Variants in PKDREJ observed in about 807,000 individuals in gnomAD.
PKDREJ encodes the protein PKD and REJ homolog.
For missense variants in PKDREJ, 2,507 were observed against 2,807.2 expected (o/e 0.89, Z 2.42); for synonymous variants, 1,031 against 1,095.5 (o/e 0.94, Z 1.16).
In PKDREJ at chr22:46,263,073, T is replaced by C; in HGVS notation, c.250A>G (p.Thr84Ala). ...RGSLCFPHGG[T>A]GRRWYCLDLR... ...TCGAGGCAGTACCAGCGCCGCCCGG[T>C]CCCGCCATGGGGGAAGCAGAGGCTG... The change falls in exon 1 of 1, where the codon ACC becomes GCC. Residue 84 changes from threonine (T) to alanine (A), a missense_variant. Physicochemically the swap from Thr to Ala is moderately conservative, Grantham distance 58. Coordinates refer to ENST00000253255, the MANE Select transcript of PKDREJ (RefSeq NM_006071.2). The surrounding 1 kb of genome is among the most constrained non-coding windows in gnomAD (Gnocchi z 9.4). The C allele has an allele frequency of 7.5e-7, 1 of 1,333,332 alleles. No homozygotes were observed. 82.6% of individuals were successfully genotyped at this position (1,333,332 alleles called of 1,614,324 possible). A position where few individuals can be genotyped will look rare whatever the true frequency, so the allele number is the denominator to read the frequency against.
Position 46,256,053 on chromosome 22 carries a change from C to T in PKDREJ, c.*508G>A, listed in dbSNP as rs1450109201. 6.5e-6 allele frequency: 1 copy of T among 153,532 alleles called. No homozygotes were observed. The highest frequency in any genetic ancestry group is 1.4e-5 in the Non-Finnish European group (1 of 69,076). 9.5% of individuals were successfully genotyped at this position (153,532 alleles called of 1,614,324 possible). On this transcript the variant is annotated 3_prime_UTR_variant, in exon 1 of 1. Transcript: ENST00000253255. This position sits in a 1 kb window ranked among gnomAD's most constrained non-coding sequence, Gnocchi z 5.3. ...GGAACTCCCCACGAGGCCCTAAGCC[C>T]AGGGGGAACAAGAGGAGGGGAGCCC...
chr22:46,260,019 C>A lies in PKDREJ; in HGVS notation c.3304G>T (p.Val1102Phe), dbSNP rs537416568. The change falls in exon 1 of 1, where the codon GTC becomes TTC. Residue 1102 changes from valine to phenylalanine, a missense_variant. Coordinates refer to ENST00000253255, the MANE Select transcript of PKDREJ (RefSeq NM_006071.2). This position sits in a 1 kb window ranked among gnomAD's most constrained non-coding sequence, Gnocchi z 4.5. ...ATCCCATACATGTCCAAGCACTGGA[C>A]GCTGAAAATAGAAATTCTCACTAGC... Reference protein sequence around the residue: ...DKLVRISIFSVQCLDMYGIQS... With the variant: ...DKLVRISIFSFQCLDMYGIQS... 1.7e-5 allele frequency: 27 copies of A among 1,614,122 alleles called. No homozygotes were observed. The highest frequency in any genetic ancestry group is 3.3e-5 in the Admixed American group (2 of 60,030).
chr22:46,258,689 T>C lies in PKDREJ; in HGVS notation c.4634A>G (p.Glu1545Gly), dbSNP rs1208627445. 5.6e-6 allele frequency: 9 copies of C among 1,614,190 alleles called. No individual in the cohort carries two copies. Among genetic ancestry groups the C allele is most frequent in the Non-Finnish European group, 7.6e-6 (9 of 1,180,030 alleles). ...GPNTNSNNNI[E>G]DDQDVHSEQH... ...TTCGGAATGGACATCCTGATCATCT[T>C]CTATGTTGTTATTGGAATTTGTATT... Residue 1545 changes from glutamate (E) to glycine (G), a missense_variant, in exon 1 of 1, where the codon GAA becomes GGA. By Grantham distance (98) the Glu-to-Gly change is moderately conservative. Coordinates refer to ENST00000253255, the MANE Select transcript of PKDREJ (RefSeq NM_006071.2). The surrounding 1 kb of genome is among the most constrained non-coding windows in gnomAD (Gnocchi z 6.1).
Position 46,262,468 on chromosome 22 carries a change from C to A in PKDREJ, c.855G>T (p.Arg285Ser). Residue 285 changes from arginine (R) to serine (S), a missense_variant, in exon 1 of 1, where the codon AGG (arginine) becomes AGT (serine). By Grantham distance (110) the Arg-to-Ser change is moderately radical. Coordinates refer to ENST00000253255, the MANE Select transcript of PKDREJ (RefSeq NM_006071.2). This position sits in a 1 kb window ranked among gnomAD's most constrained non-coding sequence, Gnocchi z 8.1. Reference protein sequence around the residue: ...QPLDLPQLEIRNSPLFIHIPN... With the variant: ...QPLDLPQLEISNSPLFIHIPN... The stretch of plus-strand genomic sequence containing the variant: ...GGATGTGAATGAACAAGGGGCTGTT[C>A]CTGATCTCGAGCTGGGGCAGATCCA... 6.3e-7 allele frequency: 1 copy of A among 1,597,736 alleles called. No homozygotes were observed. Among genetic ancestry groups the A allele is most frequent in the East Asian group, 2.2e-5 (1 of 44,756 alleles).
chr22:46,259,496 C>T lies in PKDREJ; in HGVS notation c.3827G>A (p.Arg1276Gln), dbSNP rs746549562. The stretch of plus-strand genomic sequence containing the variant: ...TAGGAGGAAAGTGTTGATGCTACCT[C>T]GGTAGAGAGTTGTGAAATGTGGATG... ...LSHPHFTTLY[R>Q]GSINTFLLTT... The change falls in exon 1 of 1, where the codon CGA becomes CAA. Residue 1276 changes from arginine to glutamine, a missense_variant. Arg to Gln is a conservative substitution (Grantham distance 43, BLOSUM62 1). Coordinates refer to ENST00000253255, the MANE Select transcript of PKDREJ (RefSeq NM_006071.2). This position sits in a 1 kb window ranked among gnomAD's most constrained non-coding sequence, Gnocchi z 6.8. 3.2e-5 allele frequency: 52 copies of T among 1,614,054 alleles called. No homozygotes were observed. Among genetic ancestry groups the T allele is most frequent in the Admixed American group, 1.2e-4 (7 of 60,004 alleles).
chr22:46,258,468 A>T lies in PKDREJ; in HGVS notation c.4855T>A (p.Cys1619Ser). The change falls in exon 1 of 1, where the codon TGT (cysteine) becomes AGT (serine). Residue 1619 changes from cysteine (C) to serine (S), a missense_variant. Cys to Ser is a moderately radical substitution (Grantham distance 112, BLOSUM62 -1). Coordinates refer to ENST00000253255, the MANE Select transcript of PKDREJ (RefSeq NM_006071.2). The surrounding 1 kb of genome is among the most constrained non-coding windows in gnomAD (Gnocchi z 6.1). ...EWLFASFCSF[C>S]QSVLLVQPSK... ...GGCTGCACCAGAAGAACTGACTGAC[A>T]GAATGAACAAAAAGATGCAAAGAGC... 6.2e-7 allele frequency: 1 copy of T among 1,614,256 alleles called. No homozygotes were observed. The highest frequency in any genetic ancestry group is 8.5e-7 in the Non-Finnish European group (1 of 1,180,054).
chr22:46,257,869 T>TCTGATG lies in PKDREJ; in HGVS notation c.5448_5453dup (p.Ser1816_Ile1817dup), dbSNP rs1238544457. On this transcript the variant is annotated inframe_insertion, in exon 1 of 1. Coordinates refer to ENST00000253255, the MANE Select transcript of PKDREJ (RefSeq NM_006071.2). The surrounding 1 kb of genome is among the most constrained non-coding windows in gnomAD (Gnocchi z 4.7). Reference sequence around the variant, plus strand: ...ATTTGGGGTGACAATGAATTTCTCTTCTGATGCTGTTTTGCACAAACTTTT... The same window carrying TCTGATG: ...ATTTGGGGTGACAATGAATTTCTCTTCTGATGCTGATGCTGTTTTGCACAAACTTTT... 1 of 1,614,214 alleles carries TCTGATG rather than the reference T, an allele frequency of 6.2e-7. No homozygotes were observed.
chr22:46,262,085 C>T lies in PKDREJ; in HGVS notation c.1238G>A (p.Gly413Asp), dbSNP rs1254330254. The T allele has an allele frequency of 3.7e-6, 6 of 1,614,162 alleles. No homozygotes were observed. The Admixed American group carries it at 8.3e-5, about 22-fold the overall frequency. Residue 413 changes from glycine to aspartate, a missense_variant, in exon 1 of 1, where the codon GGC becomes GAC. By Grantham distance (94) the Gly-to-Asp change is moderately conservative. Transcript: ENST00000253255. This position sits in a 1 kb window ranked among gnomAD's most constrained non-coding sequence, Gnocchi z 8.1. Reference sequence around the variant, plus strand: ...TTCTGGCAAAAGTGTCAGTACAGGGCCCGAGGCCCAGGGCCATTTCAGATT... The same window carrying T: ...TTCTGGCAAAAGTGTCAGTACAGGGTCCGAGGCCCAGGGCCATTTCAGATT... ...QANLKWPWAS[G>D]PVLTLLPETL...
Position 46,262,650 on chromosome 22 carries a change from C to T in PKDREJ, c.673G>A (p.Asp225Asn). The change falls in exon 1 of 1, where the codon GAC becomes AAC. Residue 225 changes from aspartate to asparagine, a missense_variant. Physicochemically the swap from Asp to Asn is conservative, Grantham distance 23. Coordinates refer to ENST00000253255, the MANE Select transcript of PKDREJ (RefSeq NM_006071.2). The surrounding 1 kb of genome is among the most constrained non-coding windows in gnomAD (Gnocchi z 8.1). ...CVIQRVRINT[D>N]QKGAPVRLSM... is the part of the protein sequence containing the mutation. ...AGGCGCACGGGGGCGCCCTTCTGGT[C>T]CGTGTTGATCCTCACGCGCTGGATG... The T allele has an allele frequency of 6.2e-7, 1 of 1,613,156 alleles. No homozygotes were observed. The highest frequency in any genetic ancestry group is 1.3e-5 in the African/African-American group (1 of 75,016).
Position 46,262,056 on chromosome 22 carries a change from G to C in PKDREJ, c.1267C>G (p.Leu423Val). ...AAGAAATACACGTGGTCGCCTTTAAGTGTTTCTGGCAAAAGTGTCAGTACA... is the reference window on the plus strand; with the variant it reads ...AAGAAATACACGTGGTCGCCTTTAACTGTTTCTGGCAAAAGTGTCAGTACA... Reference protein sequence around the residue: ...GPVLTLLPETLKGDHVYFFRM... With the variant: ...GPVLTLLPETVKGDHVYFFRM... The change falls in exon 1 of 1, where the codon CTT (leucine) becomes GTT (valine). Residue 423 changes from leucine (L) to valine (V), a missense_variant. Physicochemically the swap from Leu to Val is conservative, Grantham distance 32. Transcript: ENST00000253255. This position sits in a 1 kb window ranked among gnomAD's most constrained non-coding sequence, Gnocchi z 8.1. The C allele has an allele frequency of 6.2e-7, 1 of 1,614,146 alleles. No individual in the cohort carries two copies. Among genetic ancestry groups the C allele is most frequent in the Non-Finnish European group, 8.5e-7 (1 of 1,180,040 alleles).
chr22:46,256,528 A>T lies in PKDREJ; in HGVS notation c.*33T>A, dbSNP rs1329472878. 6.3e-7 allele frequency: 1 copy of T among 1,581,124 alleles called. No homozygotes were observed. The highest frequency in any genetic ancestry group is 1.7e-5 in the Admixed American group (1 of 58,018). On this transcript the variant is annotated 3_prime_UTR_variant, in exon 1 of 1. Coordinates refer to ENST00000253255, the MANE Select transcript of PKDREJ (RefSeq NM_006071.2). This position sits in a 1 kb window ranked among gnomAD's most constrained non-coding sequence, Gnocchi z 5.3. ...TCCCACAGACTCAGCAGTTGGGGGA[A>T]CGCTTGCTTGTGACTCATGAAACCA... is the stretch of plus-strand genomic sequence containing the variant.
Position 46,258,648 on chromosome 22 carries a change from T to C in PKDREJ, c.4675A>G (p.Lys1559Glu). The change falls in exon 1 of 1, where the codon AAG becomes GAG. Residue 1559 changes from lysine to glutamate, a missense_variant. Coordinates refer to ENST00000253255, the MANE Select transcript of PKDREJ (RefSeq NM_006071.2). This position sits in a 1 kb window ranked among gnomAD's most constrained non-coding sequence, Gnocchi z 6.1. ...DVHSEQHPSQ[K>E]DLQQLKKKPR... is the part of the protein sequence containing the mutation. Reference sequence around the variant, plus strand: ...TTTTTCTTAAGCTGCTGGAGATCCTTTTGGGAAGGGTGCTGTTCGGAATGG... The same window carrying C: ...TTTTTCTTAAGCTGCTGGAGATCCTCTTGGGAAGGGTGCTGTTCGGAATGG... 6.2e-7 allele frequency: 1 copy of C among 1,614,138 alleles called. No individual in the cohort carries two copies. The highest frequency in any genetic ancestry group is 1.1e-5 in the South Asian group (1 of 91,078).
Position 46,260,326 on chromosome 22 carries a change from G to A in PKDREJ, c.2997C>T (p.Val999=). ...GCACCATCACTTCTGTTACTATGTGGACCAGAACCTCCCTAAGCACTGTGC... is the reference window on the plus strand; with the variant it reads ...GCACCATCACTTCTGTTACTATGTGAACCAGAACCTCCCTAAGCACTGTGC... ...VDSTVLREVL[V]HIVTEVMVLF... Residue 999 remains valine (V), a synonymous_variant, in exon 1 of 1, where the codon GTC becomes GTT. Transcript: ENST00000253255. This position sits in a 1 kb window ranked among gnomAD's most constrained non-coding sequence, Gnocchi z 4.5. 1 of 1,614,142 alleles carries A rather than the reference G, an allele frequency of 6.2e-7. No homozygotes were observed. Among genetic ancestry groups the A allele is most frequent in the South Asian group, 1.1e-5 (1 of 91,082 alleles).
In PKDREJ at chr22:46,257,484, T is replaced by G; in HGVS notation, c.5839A>C (p.Ile1947Leu). The change falls in exon 1 of 1, where the codon ATA becomes CTA. Residue 1947 changes from isoleucine (I) to leucine (L), a missense_variant. By Grantham distance (5) the Ile-to-Leu change is conservative. Transcript: ENST00000253255. The surrounding 1 kb of genome is among the most constrained non-coding windows in gnomAD (Gnocchi z 4.7). Reference protein sequence around the residue: ...VSQLGVVNTSISLHSFSLADF... With the variant: ...VSQLGVVNTSLSLHSFSLADF... ...GCAAGTGAAAAAGAGTGCAGAGATA[T>G]GCTTGTGTTGACAACTCCTAACTGA... 4 of 1,614,130 alleles carry G rather than the reference T, an allele frequency of 2.5e-6. No homozygotes were observed. The highest frequency in any genetic ancestry group is 1.7e-6 in the Non-Finnish European group (2 of 1,180,036).
Position 46,259,139 on chromosome 22 carries a change from G to A in PKDREJ, c.4184C>T (p.Ala1395Val). The part of the protein sequence containing the change: ...NRLQRLSCCL[A>V]MLLSSLLCNI... ...ACAAAGAAGAGAGCTAAGCAACATTGCTAAACAACAGGACAATCTCTGGAG... is the reference window on the plus strand; with the variant it reads ...ACAAAGAAGAGAGCTAAGCAACATTACTAAACAACAGGACAATCTCTGGAG... Residue 1395 changes from alanine (A) to valine (V), a missense_variant, in exon 1 of 1, where the codon GCA becomes GTA. By Grantham distance (64) the Ala-to-Val change is moderately conservative. Coordinates refer to ENST00000253255, the MANE Select transcript of PKDREJ (RefSeq NM_006071.2). This position sits in a 1 kb window ranked among gnomAD's most constrained non-coding sequence, Gnocchi z 6.8. The A allele has an allele frequency of 2.5e-6, 4 of 1,613,976 alleles. No homozygotes were observed. Among genetic ancestry groups the A allele is most frequent in the Non-Finnish European group, 3.4e-6 (4 of 1,179,880 alleles).
Position 46,259,314 on chromosome 22 carries a change from T to C in PKDREJ, c.4009A>G (p.Thr1337Ala). The C allele has an allele frequency of 6.2e-7, 1 of 1,614,200 alleles. No individual in the cohort carries two copies. Among genetic ancestry groups the C allele is most frequent in the Non-Finnish European group, 8.5e-7 (1 of 1,180,024 alleles). The change falls in exon 1 of 1, where the codon ACC (threonine) becomes GCC (alanine). Residue 1337 changes from threonine to alanine, a missense_variant. By Grantham distance (58) the Thr-to-Ala change is moderately conservative. Transcript: ENST00000253255. The surrounding 1 kb of genome is among the most constrained non-coding windows in gnomAD (Gnocchi z 6.8). ...ACGTGAAATGTTCTGTCCAAAGTGGTATCAACAGAAAGCCATTTCTGGCAT... is the reference window on the plus strand; with the variant it reads ...ACGTGAAATGTTCTGTCCAAAGTGGCATCAACAGAAAGCCATTTCTGGCAT... ...FICQKWLSVD[T>A]TLDRTFHVTH...
chr22:46,256,828 G>A lies in PKDREJ; in HGVS notation c.6495C>T (p.Asn2165=), dbSNP rs750170975. 1 of 1,614,020 alleles carries A rather than the reference G, an allele frequency of 6.2e-7. No homozygotes were observed. The highest frequency in any genetic ancestry group is 8.5e-7 in the Non-Finnish European group (1 of 1,180,030). ...CAGACAGAATTACAGCCTGAAATAA[G>A]TTGATCAAGACGCAGATCATCACCA... The part of the protein sequence containing the change: ...FMLVMICVLI[N]LFQAVILSAY... Residue 2165 remains asparagine (N), a synonymous_variant, in exon 1 of 1, where the codon AAC becomes AAT. Transcript: ENST00000253255. This position sits in a 1 kb window ranked among gnomAD's most constrained non-coding sequence, Gnocchi z 5.3.
chr22:46,259,963 A>G lies in PKDREJ; in HGVS notation c.3360T>C (p.Ile1120=). 6.2e-7 allele frequency: 1 copy of G among 1,614,126 alleles called. No individual in the cohort carries two copies. Residue 1120 remains isoleucine (I), a synonymous_variant, in exon 1 of 1, where the codon ATT becomes ATC. Coordinates refer to ENST00000253255, the MANE Select transcript of PKDREJ (RefSeq NM_006071.2). This position sits in a 1 kb window ranked among gnomAD's most constrained non-coding sequence, Gnocchi z 6.8. ...CATACCAGCTGGTCTTCTCACCAAG[A>G]ATGCAATAACCCTCTCTCCATTCAC... The part of the protein sequence containing the change: ...IQSEWREGYC[I]LGEKTSWYEV...
In PKDREJ at chr22:46,256,466, G is replaced by A; in HGVS notation, c.*95C>T. ...GCCTTGTGAAGGACATGAGTAGAAA[G>A]CATGACTAGGCCACTGACACTCCCT... On this transcript the variant is annotated 3_prime_UTR_variant, in exon 1 of 1. Transcript: ENST00000253255. The surrounding 1 kb of genome is among the most constrained non-coding windows in gnomAD (Gnocchi z 5.3). The A allele has an allele frequency of 6.6e-7, 1 of 1,514,068 alleles. No homozygotes were observed. The allele number at this position is 1,514,068 out of a possible 1,614,324, so 93.8% of individuals were successfully genotyped here. A position where few individuals can be genotyped will look rare whatever the true frequency, so the allele number is the denominator to read the frequency against.
Sources: gnomAD v4.1 joint callset for allele counts on GRCh38, gnomAD v4.1.1 for gene constraint, Gnocchi (gnomAD v3.1) non-coding constraint, MANE v1.5 for transcripts, NCBI Gene and HGNC (gene_info 2026-07-23, HGNC 2026-07-21) for gene names.